Variants in GALNTL6 observed in about 807,000 individuals in gnomAD.
The protein encoded by GALNTL6 is polypeptide N-acetylgalactosaminyltransferase-like 6.
Under a neutral mutation model 73.7 loss-of-function variants are expected in GALNTL6, and 46 were observed. That is an observed-to-expected ratio of 0.62 (90% CI 0.49 to 0.80). The LOEUF (loss-of-function observed/expected upper bound fraction) is 0.80, where lower values mean the gene tolerates loss of function less well. GALNTL6 is among the 30% of genes least tolerant of loss of function. The pLI is 0.00. For missense variants in GALNTL6, 604 were observed against 755.0 expected (o/e 0.80, Z 2.34); for synonymous variants, 259 against 263.7 (o/e 0.98, Z 0.17).
chr4:172,386,539 C>T (rs1160401765), intron 5 of GALNTL6, among the ~76,000 whole-genome samples: 1 of 152,096 alleles, frequency 6.6e-6, no homozygotes, highest in African/African-American at 2.4e-5. Context: ...TTTATTAGGG[C>T]AATTCTCTCA....
intron 5 of GALNTL6, among the ~76,000 whole-genome samples, chr4:172,437,721 C>A (rs1731684284): frequency 6.6e-6 from 1 of 152,046 alleles, no homozygotes; most frequent in Non-Finnish European, 1.5e-5. Context: ...ATGTAATAAT[C>A]CAGGAAGTCA....
At chr4:172,400,003 T>C (rs1382527670) in intron 5 of GALNTL6, among the ~76,000 whole-genome samples, 1 of 152,154 alleles carries the variant, frequency 6.6e-6, no homozygotes, top group Non-Finnish European at 1.5e-5. Flanking sequence ...TTCCAGCTGG[T>C]TTAGCCATTT....
intron 10 of GALNTL6, among the ~76,000 whole-genome samples, chr4:172,994,987 C>G (rs998621850): frequency 2.6e-5 from 4 of 152,166 alleles, no homozygotes; most frequent in African/African-American, 4.8e-5. Context: ...ATTATTTTAT[C>G]TAGACACCAT....
chr4:172,437,311 A>G (rs1167853846), intron 5 of GALNTL6, among the ~76,000 whole-genome samples: 1 of 152,112 alleles, frequency 6.6e-6, no homozygotes, highest in East Asian at 1.9e-4. Context: ...AACATCCACA[A>G]TGATGGGTTA....
intron 3 of GALNTL6, among the ~76,000 whole-genome samples, chr4:172,265,387 C>T (rs2111045236): frequency 6.6e-6 from 1 of 152,190 alleles, no homozygotes; most frequent in East Asian, 1.9e-4. Flanking sequence ...TTCCAGCTTT[C>T]AAATTTGCCT....
intron 5 of GALNTL6, among the ~76,000 whole-genome samples, chr4:172,622,883 A>G (rs150993688): frequency 6.6e-6 from 1 of 152,298 alleles, no homozygotes; most frequent in Non-Finnish European, 1.5e-5. Flanking sequence ...AAGGTTGAAC[A>G]GTAAAATGTA....
intron 2 of GALNTL6, among the ~76,000 whole-genome samples, chr4:171,926,452 A>G (rs1230213311): frequency 1.3e-5 from 2 of 152,086 alleles, no homozygotes; most frequent in African/African-American, 4.8e-5. Flanking sequence ...GTGTCTCTGT[A>G]CATGTCTCTT....
At chr4:172,684,515 TA>T in intron 5 of GALNTL6, among the ~76,000 whole-genome samples, 2 of 152,166 alleles carry the variant, frequency 1.3e-5, no homozygotes, top group South Asian at 4.1e-4. Flanking sequence ...CAAAAAAGTA[TA>T]TGATTAAATG....
chr4:172,477,067 G>C (rs1196634369), intron 5 of GALNTL6, among the ~76,000 whole-genome samples: 1 of 151,222 alleles, frequency 6.6e-6, no homozygotes, highest in Non-Finnish European at 1.5e-5. Context: ...GACTACAGGC[G>C]CCCGCCACCA....
intron 4 of GALNTL6, among the ~76,000 whole-genome samples, chr4:172,343,335 A>T (rs1741634629): frequency 6.6e-6 from 1 of 152,212 alleles, no homozygotes; most frequent in African/African-American, 2.4e-5. Flanking sequence ...TGTTTAAGTG[A>T]TGGTGAAGAA....
At chr4:172,606,686 AGTATATATATATAGTGT>A (rs1738314169) in intron 5 of GALNTL6, among the ~76,000 whole-genome samples, 2 of 98,612 alleles carry the variant, frequency 2.0e-5, no homozygotes, top group Non-Finnish European at 4.2e-5. Flanking sequence ...CTATATATAT[AGTATATATATATAGTGT>A]GTATATATAT....
intron 2 of GALNTL6, among the ~76,000 whole-genome samples, chr4:171,892,639 G>C (rs1736794844): frequency 6.6e-6 from 1 of 152,058 alleles, no homozygotes; most frequent in South Asian, 2.1e-4. Context: ...ACAGCTCACT[G>C]CAGCCTTGAA....
chr4:172,158,006 A>G (rs991706032), intron 2 of GALNTL6, among the ~76,000 whole-genome samples: 3 of 152,172 alleles, frequency 2.0e-5, no homozygotes, highest in Non-Finnish European at 4.4e-5. Flanking sequence ...CCAGAAACAG[A>G]TGGAGGAATG....
chr4:172,763,958 A>ATTTTTTTTT (rs35078752), intron 5 of GALNTL6, among the ~76,000 whole-genome samples: 1 of 136,936 alleles, frequency 7.3e-6, no homozygotes. Flanking sequence ...AACAAGGTGT[A>ATTTTTTTTT]TTTTTTTTTT....
intron 5 of GALNTL6, among the ~76,000 whole-genome samples, chr4:172,427,934 C>T (rs976472562): frequency 2.6e-5 from 4 of 152,114 alleles, no homozygotes; most frequent in Non-Finnish European, 5.9e-5. Flanking sequence ...ATGCAGGTTC[C>T]TTTGAAAAGA....
intron 5 of GALNTL6, among the ~76,000 whole-genome samples, chr4:172,807,840 G>A (rs114636295): frequency 0.014 from 2,161 of 151,808 alleles, 46 homozygotes; most frequent in African/African-American, 0.048. Context: ...TTGTTTTTTC[G>A]GAGACACAGT....
At chr4:172,724,544 T>C (rs1461553498) in intron 5 of GALNTL6, among the ~76,000 whole-genome samples, 1 of 152,206 alleles carries the variant, frequency 6.6e-6, no homozygotes, top group Non-Finnish European at 1.5e-5. Context: ...CACAACTGTC[T>C]TGTGCTTTTT....
intron 2 of GALNTL6, among the ~76,000 whole-genome samples, chr4:172,091,179 C>A (rs913333677): frequency 9.2e-5 from 14 of 152,050 alleles, no homozygotes; most frequent in African/African-American, 2.4e-4. Flanking sequence ...ATTAATAAGA[C>A]AAATTTATTT....
At chr4:172,815,979 A>G (rs951826440) in intron 7 of GALNTL6, among the ~76,000 whole-genome samples, 1 of 152,192 alleles carries the variant, frequency 6.6e-6, no homozygotes, top group Non-Finnish European at 1.5e-5. Flanking sequence ...CGTATCGGCA[A>G]TTTCATTATC....
Sources: gnomAD v4.1 joint callset for allele counts (sites outside exome capture counted in the v4.1 genomes callset) on GRCh38, gnomAD v4.1.1 for gene constraint, MANE v1.5 for transcripts, NCBI Gene and HGNC (gene_info 2026-07-23, HGNC 2026-07-21) for gene names.